The following SMARCA4 variants were observed in gnomAD, a reference collection of about 807,000 sequenced individuals.
SMARCA4 encodes the protein SWI/SNF-related matrix-associated actin-dependent regulator of chromatin subfamily A member 4.
A neutral mutation model predicts 193.9 loss-of-function variants in SMARCA4; 31 were observed. The ratio of observed to expected loss-of-function variants is 0.16; its 90% CI spans 0.12 to 0.22. SMARCA4 has a LOEUF of 0.22. SMARCA4 is among the 10% of genes least tolerant of loss of function. The pLI, the probability that SMARCA4 is intolerant of heterozygous loss-of-function variation, is 1.00. For synonymous variants in SMARCA4, 942 were observed against 933.1 expected (o/e 1.01, Z -0.17); for missense variants, 1,148 against 2,296.0 (o/e 0.50, Z 10.22).
chr19:11,043,950 TGG>T (rs1474245041), intron 30 of SMARCA4, among the ~76,000 whole-genome samples: 2 of 152,188 alleles, frequency 1.3e-5, no homozygotes, highest in African/African-American at 2.4e-5. Context: ...CACTCCAGCC[TGG>T]GTGACAGAGT....
chr19:10,988,167 C>G, intron 6 of SMARCA4, among the ~76,000 whole-genome samples: 1 of 151,970 alleles, frequency 6.6e-6, no homozygotes. Flanking sequence ...GTTGCCCACG[C>G]TGGAGTGCAA....
At position 11,030,587 on chromosome 19, in the gene SMARCA4, C is replaced by T. The variant is rs1458927153; in HGVS notation, c.3383-143C>T. 9.5e-6 allele frequency: 7 copies of T among 740,026 alleles called. No individual in the cohort carries two copies. Among genetic ancestry groups the T allele is most frequent in the East Asian group, 5.4e-5 (2 of 37,028 alleles). 45.8% of individuals were successfully genotyped at this position (740,026 alleles called of 1,614,324 possible). On this transcript the variant is annotated intron_variant, in intron 24 of 34. Transcript: ENST00000344626. The surrounding 1 kb of genome is among the most constrained non-coding windows in gnomAD (Gnocchi z 5.5). ...GTTATTCGCCAGTGGCCCACAGGCC[C>T]GTGTGGAGAGTGCGGAGCCAGGGAT...
chr19:11,002,682 G>T (rs550948348), intron 11 of SMARCA4, among the ~76,000 whole-genome samples: 1 of 151,264 alleles, frequency 6.6e-6, no homozygotes, highest in Non-Finnish European at 1.5e-5. Flanking sequence ...AAAGAAACAG[G>T]TGTTGGGAGA....
Position 11,023,502 on chromosome 19 carries a change from T to C in SMARCA4, c.2860-16T>C, listed in dbSNP as rs370627665. On this transcript the variant is annotated splice_polypyrimidine_tract_variant and intron_variant, in intron 19 of 34. Coordinates refer to ENST00000344626, the MANE Select transcript of SMARCA4 (RefSeq NM_003072.5). ...TTGGAGGTAACGCTTGCTTCTCCTG[T>C]CTTGGGGGCTTCCAGGTGGACCTGA... 3.1e-5 allele frequency: 48 copies of C among 1,542,392 alleles called. No individual in the cohort carries two copies. In the African/African-American group the frequency reaches 5.7e-4, roughly 18 times the overall value.
rs540728570 is a variant in SMARCA4, at chr19:10,972,735, C to T, written c.-31-11386C>T. On this transcript the variant is annotated intron_variant, in intron 1 of 34. Coordinates refer to ENST00000344626, the MANE Select transcript of SMARCA4 (RefSeq NM_003072.5). ...TCCACACAGTGTCACTCCTCACGCT[C>T]AGTGTTGCGTATATAGCTGATAACA... Among the ~76,000 whole-genome samples, 3 of 152,284 alleles carry T rather than the reference C, an allele frequency of 2.0e-5. No homozygotes were observed. The South Asian group carries it at 6.2e-4, about 32-fold the overall frequency.
Position 10,984,261 on chromosome 19 carries a change from G to C in SMARCA4, c.110G>C (p.Gly37Ala), listed in dbSNP as rs2085813185. ...GGCCCTAGCCCGGGTCCCTCGCCGGGCTCCGCCCACAGCATGATGGGGCCC... is the reference window on the plus strand; with the variant it reads ...GGCCCTAGCCCGGGTCCCTCGCCGGCCTCCGCCCACAGCATGATGGGGCCC... ...MLGPSPGPSPGSAHSMMGPSP... is the reference protein window; with the variant it reads ...MLGPSPGPSPASAHSMMGPSP... The change falls in exon 2 of 35, where the codon GGC becomes GCC. Residue 37 changes from glycine (G) to alanine (A), a missense_variant. By Grantham distance (60) the Gly-to-Ala change is moderately conservative. Around this residue, in one of 17 missense-constraint regions of SMARCA4, gnomAD observed 201 missense variants for 248.3 expected, o/e 0.81. Transcript: ENST00000344626. This position sits in a 1 kb window ranked among gnomAD's most constrained non-coding sequence, Gnocchi z 4.3. 1 of 1,611,720 alleles carries C rather than the reference G, an allele frequency of 6.2e-7. No individual in the cohort carries two copies. Among genetic ancestry groups the C allele is most frequent in the Non-Finnish European group, 8.5e-7 (1 of 1,179,340 alleles).
intron 16 of SMARCA4, among the ~76,000 whole-genome samples, chr19:11,018,543 CTGTT>C (rs1340349339): frequency 6.6e-6 from 1 of 152,200 alleles, no homozygotes; most frequent in Non-Finnish European, 1.5e-5. Flanking sequence ...GGCAGAAAGA[CTGTT>C]TGGTGTCTCC....
At chr19:11,059,125 A>G (rs918970306) in intron 32 of SMARCA4, 1 of 495,338 alleles carries the variant, frequency 2.0e-6, no homozygotes, top group African/African-American at 1.9e-5. Context: ...AAAAAAAGAA[A>G]AAATTAAAAA....
At chr19:11,054,346 G>A (rs2076425459) in intron 30 of SMARCA4, among the ~76,000 whole-genome samples, 1 of 152,218 alleles carries the variant, frequency 6.6e-6, no homozygotes, top group Admixed American at 6.5e-5. Flanking sequence ...GCTGCACTCG[G>A]CAACAGGGAC....
At position 11,031,270 on chromosome 19, in the gene SMARCA4, C is replaced by T; in HGVS notation, c.3546+377C>T. ...ACACACACTGGCGCTTGTTCAGACA[C>T]AATTGGGGGTAAACTCCATGCCACT... On this transcript the variant is annotated intron_variant, in intron 25 of 34. Transcript: ENST00000344626. This position sits in a 1 kb window ranked among gnomAD's most constrained non-coding sequence, Gnocchi z 4.3. 1 of 328,638 alleles carries T rather than the reference C, an allele frequency of 3.0e-6. No individual in the cohort carries two copies. Among genetic ancestry groups the T allele is most frequent in the South Asian group, 2.9e-5 (1 of 34,252 alleles). The allele number at this position is 328,638 out of a possible 1,614,324, so 20.4% of individuals were successfully genotyped here.
At chr19:11,046,553 T>G (rs1335477574) in intron 30 of SMARCA4, among the ~76,000 whole-genome samples, 2 of 152,178 alleles carry the variant, frequency 1.3e-5, no homozygotes, top group Non-Finnish European at 2.9e-5. Flanking sequence ...AAAGAAAGCC[T>G]CCTGAGTGCT....
Position 10,987,635 on chromosome 19 carries a change from C to A in SMARCA4, c.860-31C>A, listed in dbSNP as rs1019320512. ...GCCCGGGATGGGCCCCAGAGCTCAA[C>A]ATGACGCCCTGGCCCCTTGCCTTCT... On this transcript the variant is annotated intron_variant, in intron 5 of 34. Transcript: ENST00000344626. This position sits in a 1 kb window ranked among gnomAD's most constrained non-coding sequence, Gnocchi z 5.3. 1 of 1,612,356 alleles carries A rather than the reference C, an allele frequency of 6.2e-7. No individual in the cohort carries two copies. Among genetic ancestry groups the A allele is most frequent in the South Asian group, 1.1e-5 (1 of 91,020 alleles).
chr19:10,965,651 T>C (rs1325478603), intron 1 of SMARCA4, among the ~76,000 whole-genome samples: 2 of 152,196 alleles, frequency 1.3e-5, no homozygotes, highest in African/African-American at 4.8e-5. Context: ...CTAGTCCACA[T>C]GTAGGCTCTG....
chr19:10,994,366 C>A (rs1442627927), intron 8 of SMARCA4, among the ~76,000 whole-genome samples: 4 of 148,226 alleles, frequency 2.7e-5, no homozygotes, highest in South Asian at 2.2e-4. Context: ...CTCTGTTGCC[C>A]AGGCTGGAGC....
At chr19:11,000,860 A>C (rs1342914700) in intron 11 of SMARCA4, among the ~76,000 whole-genome samples, 1 of 140,262 alleles carries the variant, frequency 7.1e-6, no homozygotes, top group East Asian at 2.6e-4. Context: ...ACTCTGTCTC[A>C]AAAAAAAAAA....
rs766388110 is a variant in SMARCA4, at chr19:10,985,223, C to T, written c.223-50C>T. 1.2e-6 allele frequency: 2 copies of T among 1,609,848 alleles called. No homozygotes were observed. The highest frequency in any genetic ancestry group is 2.7e-5 in the African/African-American group (2 of 74,888). ...CTCGGGCAGCGCATAGCTGCGCTGC[C>T]ACCTCACGTTCCACATGCTGACCCT... On this transcript the variant is annotated intron_variant, in intron 2 of 34. Coordinates refer to ENST00000344626, the MANE Select transcript of SMARCA4 (RefSeq NM_003072.5). The surrounding 1 kb of genome is among the most constrained non-coding windows in gnomAD (Gnocchi z 4.5).
Position 10,986,588 on chromosome 19 carries a change from C to T in SMARCA4, c.755C>T (p.Pro252Leu), listed in dbSNP as rs1316419985. 6.5e-7 allele frequency: 1 copy of T among 1,536,216 alleles called. No homozygotes were observed. Among genetic ancestry groups the T allele is most frequent in the Non-Finnish European group, 8.7e-7 (1 of 1,146,776 alleles). The change falls in exon 4 of 35, where the codon CCT becomes CTT. Residue 252 changes from proline (P) to leucine (L), a missense_variant. This residue lies in a region of SMARCA4 where 257 missense variants were observed against 276.5 expected (regional missense o/e 0.93). Transcript: ENST00000344626. The surrounding 1 kb of genome is among the most constrained non-coding windows in gnomAD (Gnocchi z 6.7). ...PGPAPPNYSRPHGMGGPNMPP... is the reference protein window; with the variant it reads ...PGPAPPNYSRLHGMGGPNMPP... ...CCGGCACCTCCAAATTACAGCAGGC[C>T]TCATGGTAAGACTGGCTGCCCTGGC...
Position 10,975,017 on chromosome 19 carries a change from C to CTTTTT in SMARCA4, c.-31-9086_-31-9082dup, listed in dbSNP as rs760199710. 9.6e-4 allele frequency among the ~76,000 whole-genome samples: 97 copies of CTTTTT among 101,046 alleles called. 1 individual carries two copies. The highest frequency in any genetic ancestry group is 3.6e-3 in the African/African-American group (91 of 24,990). 66.3% of individuals were successfully genotyped at this position (101,046 alleles called of 152,430 possible). On this transcript the variant is annotated intron_variant, in intron 1 of 34. Coordinates refer to ENST00000344626, the MANE Select transcript of SMARCA4 (RefSeq NM_003072.5). ...CCAGCCATATGCATATATAGTTATTCTTTTTTTTTTTTTTTTTTTTTTGAG... is the reference window on the plus strand; with the variant it reads ...CCAGCCATATGCATATATAGTTATTCTTTTTTTTTTTTTTTTTTTTTTTTTTTGAG...
rs189341973 is a variant in SMARCA4 at position 11,031,587 on chromosome 19, A to G, written c.3546+694A>G. 7 of 152,848 alleles carry G rather than the reference A, an allele frequency of 4.6e-5. No homozygotes were observed. The highest frequency in any genetic ancestry group is 1.7e-4 in the African/African-American group (7 of 41,560). The allele number at this position is 152,848 out of a possible 1,614,324, so 9.5% of individuals were successfully genotyped here. ...GATTAACACAGATGCGGCGTGGCCT[A>G]GCATGTGCCTCTTCCACCAAGCAGT... On this transcript the variant is annotated intron_variant, in intron 25 of 34. Coordinates refer to ENST00000344626, the MANE Select transcript of SMARCA4 (RefSeq NM_003072.5). The surrounding 1 kb of genome is among the most constrained non-coding windows in gnomAD (Gnocchi z 4.3).
Sources: allele counts gnomAD v4.1 joint callset (sites outside exome capture counted in the v4.1 genomes callset), GRCh38; gene constraint gnomAD v4.1.1; regional missense constraint gnomAD v4.1.1; non-coding constraint Gnocchi (gnomAD v3.1); transcripts MANE v1.5; gene names NCBI Gene and HGNC (gene_info 2026-07-23, HGNC 2026-07-21).